The following ANKRD44 variants were observed in gnomAD, a reference collection of about 807,000 sequenced individuals.
ANKRD44 encodes the protein serine/threonine-protein phosphatase 6 regulatory ankyrin repeat subunit B.
A neutral mutation model predicts 116.0 loss-of-function variants in ANKRD44; 35 were observed. That is an observed-to-expected ratio of 0.30 (90% CI 0.23 to 0.40). ANKRD44 has a LOEUF of 0.40. Ranked by LOEUF, ANKRD44 falls within the 10% of genes least tolerant of loss-of-function variation. ANKRD44 has a pLI of 1.00. For missense variants in ANKRD44, 1,014 were observed against 1,242.6 expected, an observed-to-expected ratio of 0.82 and a Z score of 2.77; for synonymous variants, 435 against 461.8, an observed-to-expected ratio of 0.94 and a Z score of 0.74.
At chr2:197,216,946 G>GA (rs1230843262) in intron 1 of ANKRD44, among the ~76,000 whole-genome samples, 1 of 146,618 alleles carries the variant, frequency 6.8e-6, no homozygotes, top group Non-Finnish European at 1.5e-5. Flanking sequence ...TGGGGGAAAA[G>GA]AAAAAAAAAG....
intron 18 of ANKRD44, among the ~76,000 whole-genome samples, chr2:197,011,764 C>T (rs996660709): frequency 2.0e-5 from 3 of 152,092 alleles, no homozygotes; most frequent in Non-Finnish European, 4.4e-5. Context: ...TGAACCACTG[C>T]GCCCAGCCCC....
intron 2 of ANKRD44, among the ~76,000 whole-genome samples, chr2:197,181,971 C>T (rs1440756972): frequency 3.3e-5 from 5 of 152,218 alleles, no homozygotes; most frequent in African/African-American, 4.8e-5. Flanking sequence ...CCCTCCCCAT[C>T]ATCATCATTC....
intron 2 of ANKRD44, among the ~76,000 whole-genome samples, chr2:197,156,000 A>AT (rs1244768907): frequency 3.3e-5 from 5 of 152,244 alleles, no homozygotes; most frequent in Non-Finnish European, 7.3e-5. Flanking sequence ...TAGGCAAAAG[A>AT]TTTGAACAGA....
At chr2:197,227,926 C>A (rs1451277234) in intron 1 of ANKRD44, among the ~76,000 whole-genome samples, 2 of 152,180 alleles carry the variant, frequency 1.3e-5, no homozygotes, top group Non-Finnish European at 2.9e-5. Flanking sequence ...TAAGAAAGAA[C>A]AAAGAAGATG....
At chr2:197,191,510 C>A (rs971865025) in intron 1 of ANKRD44, among the ~76,000 whole-genome samples, 1 of 152,302 alleles carries the variant, frequency 6.6e-6, no homozygotes, top group African/African-American at 2.4e-5. Flanking sequence ...ATAAAATATT[C>A]TGTTTTTATT....
At chr2:197,164,640 C>G (rs1320792248) in intron 2 of ANKRD44, among the ~76,000 whole-genome samples, 1 of 152,122 alleles carries the variant, frequency 6.6e-6, no homozygotes, top group African/African-American at 2.4e-5. Flanking sequence ...CTGCCCCGGA[C>G]CTCAGGTCGC....
chr2:196,979,172 G>A (rs1372615099), intron 21 of ANKRD44, among the ~76,000 whole-genome samples: 9 of 151,730 alleles, frequency 5.9e-5, no homozygotes, highest in Non-Finnish European at 7.4e-5. Context: ...CGAGGCGGGC[G>A]GATCACGAGG....
intron 8 of ANKRD44, among the ~76,000 whole-genome samples, chr2:197,113,448 A>C (rs1033770511): frequency 1.3e-5 from 2 of 152,240 alleles, no homozygotes. Context: ...TTTTCTCTTA[A>C]TATGAAACCA....
chr2:197,038,185 A>C (rs1030973383), intron 16 of ANKRD44, among the ~76,000 whole-genome samples: 3 of 152,204 alleles, frequency 2.0e-5, no homozygotes, highest in African/African-American at 7.2e-5. Context: ...CTGTAGGTCC[A>C]TCACTTGTAA....
chr2:197,307,409 C>T (rs2084103662), intron 1 of ANKRD44, among the ~76,000 whole-genome samples: 1 of 152,074 alleles, frequency 6.6e-6, no homozygotes, highest in South Asian at 2.1e-4. Context: ...TGGTTAGTGC[C>T]CCCTAAGGCT....
At chr2:197,110,707 A>T in intron 9 of ANKRD44, 59 bp downstream of exon 9, 2 of 1,439,670 alleles carry the variant, frequency 1.4e-6, no homozygotes, top group South Asian at 1.1e-5. Context: ...GGTGACTGAC[A>T]GCCAAATTCA....
intron 1 of ANKRD44, among the ~76,000 whole-genome samples, chr2:197,228,483 T>C (rs2125755012): frequency 6.6e-6 from 1 of 152,362 alleles, no homozygotes; most frequent in South Asian, 2.1e-4. Context: ...CAATTCTTTA[T>C]TGACTTTGAG....
chr2:197,062,202 G>A (rs1559031090), intron 16 of ANKRD44, among the ~76,000 whole-genome samples: 2 of 152,156 alleles, frequency 1.3e-5, no homozygotes, highest in Non-Finnish European at 2.9e-5. Flanking sequence ...CCACACCTTG[G>A]AAGTTGTCCT....
intron 21 of ANKRD44, among the ~76,000 whole-genome samples, chr2:196,972,443 C>T (rs564049716): frequency 6.6e-6 from 1 of 152,256 alleles, no homozygotes; most frequent in Non-Finnish European, 1.5e-5. Flanking sequence ...CTCATGTGAC[C>T]CACCCACCTT....
chr2:197,019,884 C>A (rs961869891), intron 17 of ANKRD44, among the ~76,000 whole-genome samples: 4 of 151,802 alleles, frequency 2.6e-5, no homozygotes, highest in Non-Finnish European at 5.9e-5. Flanking sequence ...GCAGCCTCCA[C>A]CTCCCGGGTT....
At chr2:197,078,580 G>C in intron 16 of ANKRD44, 123 bp downstream of exon 16, 1 of 1,527,724 alleles carries the variant, frequency 6.5e-7, no homozygotes, top group Non-Finnish European at 8.8e-7. Flanking sequence ...ATGAAATCCT[G>C]ATTCATGGAC....
intron 1 of ANKRD44, among the ~76,000 whole-genome samples, chr2:197,265,236 T>C (rs1416518533): frequency 6.6e-6 from 1 of 151,098 alleles, no homozygotes; most frequent in Non-Finnish European, 1.5e-5. Flanking sequence ...TTTTTTCTTT[T>C]TTTTTTTTTT....
In ANKRD44 at chr2:197,089,950, C is replaced by G. The variant is rs777677829; in HGVS notation, c.1183G>C (p.Gly395Arg). The change falls in exon 11 of 28, where the codon GGC becomes CGC. Residue 395 changes from glycine (G) to arginine (R), a missense_variant and splice_region_variant. By Grantham distance (125) the Gly-to-Arg change is moderately radical. Transcript: ENST00000282272. ...SDCCRKLLSS[G>R]FEIDTPDKFG... Reference sequence around the variant, plus strand: ...CATCTCTGCTAACAGATTTACTTACCCGATGATAACAACTTTCTGCAGCAG... The same window carrying G: ...CATCTCTGCTAACAGATTTACTTACGCGATGATAACAACTTTCTGCAGCAG... 6 of 1,613,384 alleles carry G rather than the reference C, an allele frequency of 3.7e-6. No individual in the cohort carries two copies. The Admixed American group carries it at 1.0e-4, about 27-fold the overall frequency.
rs1369442360 is a variant in ANKRD44, at chr2:196,987,772, T to C, written c.*1819A>G. On this transcript the variant is annotated 3_prime_UTR_variant, in exon 28 of 28. Transcript: ENST00000282272. ...CAATGAAACATGATCCTTGTAGTTG[T>C]GGTTAAAATACAGTCTAAAAATAAC... The C allele has an allele frequency of 5.1e-6, 5 of 985,292 alleles. No homozygotes were observed. In the East Asian group the frequency reaches 3.4e-4, roughly 67 times the overall value. 61.0% of individuals were successfully genotyped at this position (985,292 alleles called of 1,614,324 possible).
Sources: allele counts gnomAD v4.1 joint callset (sites outside exome capture counted in the v4.1 genomes callset), GRCh38; gene constraint gnomAD v4.1.1; transcripts MANE v1.5; gene names NCBI Gene and HGNC (gene_info 2026-07-23, HGNC 2026-07-21).